The following CSMD1 variants were observed in gnomAD, a reference collection of about 807,000 sequenced individuals.
CSMD1 encodes CUB and sushi domain-containing protein 1.
A neutral mutation model predicts 417.5 loss-of-function variants in CSMD1; 213 were observed. The observed-to-expected ratio is 0.51, with a 90% CI of 0.46 to 0.57. The LOEUF (loss-of-function observed/expected upper bound fraction) is 0.57. Ranked by LOEUF, CSMD1 falls within the 20% of genes least tolerant of loss-of-function variation. The pLI, the probability that CSMD1 is intolerant of heterozygous loss-of-function variation, is 0.00. For synonymous variants in CSMD1, 2,862 were observed against 1,736.8 expected, an observed-to-expected ratio of 1.65 and a Z score of -16.11; for missense variants, 6,923 against 4,529.7, an observed-to-expected ratio of 1.53 and a Z score of -15.17.
chr8:3,278,916 G>C (rs1802518101), intron 26 of CSMD1: 2 of 152,212 alleles, frequency 1.3e-5, no homozygotes, highest in African/African-American at 4.8e-5. Context: ...CAGTGAAGCA[G>C]GGTAACTGGG....
intron 3 of CSMD1, among the ~76,000 whole-genome samples, chr8:4,076,134 G>C (rs117389897): frequency 6.6e-6 from 1 of 152,144 alleles, no homozygotes; most frequent in Non-Finnish European, 1.5e-5. Flanking sequence ...CCCTGTAGGA[G>C]GTAACTGAAT....
intron 5 of CSMD1, among the ~76,000 whole-genome samples, chr8:3,837,553 A>G (rs1228965337): frequency 6.6e-6 from 1 of 152,160 alleles, no homozygotes; most frequent in African/African-American, 2.4e-5. Context: ...CCAAGATAAC[A>G]TTACCAATAA....
intron 1 of CSMD1, among the ~76,000 whole-genome samples, chr8:4,828,935 C>T (rs1799979338): frequency 1.3e-5 from 2 of 152,066 alleles, no homozygotes; most frequent in Non-Finnish European, 2.9e-5. Flanking sequence ...ATTAACCATC[C>T]CCAAACCATA....
chr8:4,227,920 A>T (rs1190135945), intron 3 of CSMD1, among the ~76,000 whole-genome samples: 1 of 132,928 alleles, frequency 7.5e-6, no homozygotes, highest in East Asian at 2.3e-4. Context: ...CCCACATTAA[A>T]TCCCACACCT....
intron 2 of CSMD1, among the ~76,000 whole-genome samples, chr8:4,426,973 G>A (rs1434595000): frequency 6.6e-6 from 1 of 151,988 alleles, no homozygotes; most frequent in African/African-American, 2.4e-5. Context: ...GACTGGCCTG[G>A]TCTAGGGATG....
At chr8:4,516,129 G>C (rs1406314256) in intron 2 of CSMD1, among the ~76,000 whole-genome samples, 1 of 152,054 alleles carries the variant, frequency 6.6e-6, no homozygotes, top group Non-Finnish European at 1.5e-5. Flanking sequence ...GAGTAATTAA[G>C]ATTAAAAGAG....
At chr8:4,410,074 A>C (rs182699911) in intron 3 of CSMD1, among the ~76,000 whole-genome samples, 1 of 152,286 alleles carries the variant, frequency 6.6e-6, no homozygotes, top group Admixed American at 6.5e-5. Context: ...GTGGCCTCCC[A>C]AAGTGCTGGG....
At chr8:4,370,624 C>A (rs1262863902) in intron 3 of CSMD1, among the ~76,000 whole-genome samples, 2 of 152,086 alleles carry the variant, frequency 1.3e-5, no homozygotes, top group African/African-American at 4.8e-5. Context: ...GAAGTTTTGT[C>A]CATTTTTAAA....
In CSMD1 at chr8:4,668,370, T is replaced by C. The variant is rs372184410; in HGVS notation, c.86-30812A>G. 2.9e-4 allele frequency among the ~76,000 whole-genome samples: 44 copies of C among 151,282 alleles called. No homozygotes were observed. The South Asian group carries it at 5.2e-3, about 18-fold the overall frequency. ...TTGGGCTGCCTTGAACCCTCGTCTCTAGCCACTGCCACACACAGCACTCTA... is the reference window on the plus strand; with the variant it reads ...TTGGGCTGCCTTGAACCCTCGTCTCCAGCCACTGCCACACACAGCACTCTA... On this transcript the variant is annotated intron_variant, in intron 1 of 69. Transcript: ENST00000635120.
At chr8:4,276,689 G>C (rs894760189) in intron 3 of CSMD1, among the ~76,000 whole-genome samples, 2 of 152,186 alleles carry the variant, frequency 1.3e-5, no homozygotes, top group African/African-American at 4.8e-5. Flanking sequence ...AGGAAACGAA[G>C]TCTTTAGTTC....
At chr8:3,303,370 A>G (rs887435694) in intron 25 of CSMD1, among the ~76,000 whole-genome samples, 3 of 152,214 alleles carry the variant, frequency 2.0e-5, no homozygotes, top group African/African-American at 7.2e-5. Flanking sequence ...TGATGCCACT[A>G]GAAAGAAAAT....
intron 3 of CSMD1, among the ~76,000 whole-genome samples, chr8:4,307,013 C>T (rs1798286557): frequency 6.6e-6 from 1 of 152,148 alleles, no homozygotes; most frequent in African/African-American, 2.4e-5. Context: ...TTCAGCCCCT[C>T]TTCGTCGCCT....
chr8:4,738,078 C>A (rs190206395), intron 1 of CSMD1, among the ~76,000 whole-genome samples: 1 of 152,196 alleles, frequency 6.6e-6, no homozygotes, highest in African/African-American at 2.4e-5. Context: ...GATTACATGC[C>A]AACACCAGGT....
At chr8:3,145,962 C>T (rs1249113742) in intron 40 of CSMD1, among the ~76,000 whole-genome samples, 1 of 152,206 alleles carries the variant, frequency 6.6e-6, no homozygotes, top group Non-Finnish European at 1.5e-5. Context: ...TGACCATGAT[C>T]TCAGAGTTAA....
At chr8:3,250,259 C>A (rs1287535287) in intron 26 of CSMD1, among the ~76,000 whole-genome samples, 1 of 152,122 alleles carries the variant, frequency 6.6e-6, no homozygotes, top group Non-Finnish European at 1.5e-5. Flanking sequence ...CTTCCTGTGT[C>A]CATGTGTACT....
chr8:4,227,258 C>T (rs949573736), intron 3 of CSMD1, among the ~76,000 whole-genome samples: 1 of 152,104 alleles, frequency 6.6e-6, no homozygotes, highest in East Asian at 1.9e-4. Flanking sequence ...GCAACATGGA[C>T]GAGCAAGATG....
rs1290003108 is a variant in CSMD1, at chr8:3,064,733, T to A, written c.7475-12086A>T. 7.9e-5 allele frequency among the ~76,000 whole-genome samples: 12 copies of A among 152,318 alleles called. 1 individual carries two copies. In the South Asian group the frequency reaches 2.1e-3, roughly 26 times the overall value. ...TGGCCATTACAAATCCTTACATGGT[T>A]TTGCAAGAAATGCTTTATGGGTTCT... is the stretch of plus-strand genomic sequence containing the variant. On this transcript the variant is annotated intron_variant, in intron 49 of 69. Transcript: ENST00000635120.
chr8:4,132,172 G>T (rs1803148381), intron 3 of CSMD1, among the ~76,000 whole-genome samples: 2 of 147,896 alleles, frequency 1.4e-5, no homozygotes, highest in Non-Finnish European at 3.0e-5. Flanking sequence ...GTTTGTTTAT[G>T]CGGGTAAAAT....
At chr8:4,252,367 C>T (rs1407233254) in intron 3 of CSMD1, among the ~76,000 whole-genome samples, 6 of 152,144 alleles carry the variant, frequency 3.9e-5, no homozygotes, top group Admixed American at 2.0e-4. Flanking sequence ...GTCCAATAGA[C>T]GCTGAAGTTA....
Sources: allele counts gnomAD v4.1 joint callset (sites outside exome capture counted in the v4.1 genomes callset), GRCh38; gene constraint gnomAD v4.1.1; transcripts MANE v1.5; gene names NCBI Gene and HGNC (gene_info 2026-07-23, HGNC 2026-07-21).